COL23A1: variants seen among roughly 807,000 people sequenced by gnomAD.
COL23A1 encodes the protein collagen alpha-1(XXIII) chain.
A neutral mutation model predicts 99.3 loss-of-function variants in COL23A1; 97 were observed. The ratio of observed to expected loss-of-function variants is 0.98; its 90% CI spans 0.83 to 1.16. The LOEUF (loss-of-function observed/expected upper bound fraction) is 1.16, where lower values mean the gene tolerates loss of function less well. Among genes scored for constraint, COL23A1 ranks in the 50% most tolerant of loss-of-function variants. The pLI is 0.00. For synonymous variants in COL23A1, 320 were observed against 308.2 expected, an observed-to-expected ratio of 1.04 and a Z score of -0.40; for missense variants, 762 against 757.4, an observed-to-expected ratio of 1.01 and a Z score of -0.07.
chr5:178,296,484 C>T (rs1321112753), intron 3 of COL23A1, among the ~76,000 whole-genome samples: 1 of 152,214 alleles, frequency 6.6e-6, no homozygotes, highest in Non-Finnish European at 1.5e-5. Flanking sequence ...TTCACGACCC[C>T]CGCGGATCCC....
intron 2 of COL23A1, among the ~76,000 whole-genome samples, chr5:178,545,807 T>C (rs1761548071): frequency 6.6e-6 from 1 of 152,074 alleles, no homozygotes; most frequent in Admixed American, 6.5e-5. Flanking sequence ...GGTCCACAGG[T>C]CGATTCCCAC....
intron 2 of COL23A1, among the ~76,000 whole-genome samples, chr5:178,467,737 T>A (rs1031824239): frequency 1.3e-5 from 2 of 152,346 alleles, no homozygotes; most frequent in African/African-American, 4.8e-5. Context: ...GACTCATTTT[T>A]AAAAGTTATT....
intron 3 of COL23A1, among the ~76,000 whole-genome samples, chr5:178,302,389 G>A (rs887921144): frequency 6.8e-6 from 1 of 147,448 alleles, no homozygotes; most frequent in Non-Finnish European, 1.5e-5. Context: ...CTGTGTGTGC[G>A]CCGGAGCACG....
chr5:178,254,803 G>T, intron 16 of COL23A1, 146 bp downstream of exon 16: 2 of 681,574 alleles, frequency 2.9e-6, no homozygotes, highest in Non-Finnish European at 5.1e-6. Context: ...TTTCCACATT[G>T]GGTGCCTAGT....
At chr5:178,582,734 T>C (rs551466108) in intron 1 of COL23A1, among the ~76,000 whole-genome samples, 1 of 152,268 alleles carries the variant, frequency 6.6e-6, no homozygotes, top group South Asian at 2.1e-4. Context: ...CCAGGCTACA[T>C]GCACCTCACC....
chr5:178,259,276 A>T (rs2127549396), intron 12 of COL23A1, among the ~76,000 whole-genome samples: 1 of 152,210 alleles, frequency 6.6e-6, no homozygotes, highest in South Asian at 2.1e-4. Context: ...AGGCTGGCCC[A>T]GGAGAAGAGG....
chr5:178,461,756 C>T (rs1756133718), intron 2 of COL23A1, among the ~76,000 whole-genome samples: 2 of 152,304 alleles, frequency 1.3e-5, no homozygotes, highest in South Asian at 4.1e-4. Flanking sequence ...TTGGCAAGCA[C>T]ACAACATGTT....
At chr5:178,382,827 G>A (rs1481395872) in intron 2 of COL23A1, among the ~76,000 whole-genome samples, 3 of 152,196 alleles carry the variant, frequency 2.0e-5, no homozygotes, top group Non-Finnish European at 4.4e-5. Flanking sequence ...CCACCGCCTT[G>A]GCAGGAGTCA....
chr5:178,269,502 T>G (rs1222052969), intron 6 of COL23A1, among the ~76,000 whole-genome samples: 1 of 81,018 alleles, frequency 1.2e-5, no homozygotes, highest in African/African-American at 5.5e-5. Context: ...CATCCACCCA[T>G]CCACCCATCC....
chr5:178,272,070 C>A (rs1458325385), intron 5 of COL23A1, among the ~76,000 whole-genome samples: 2 of 152,230 alleles, frequency 1.3e-5, no homozygotes, highest in Non-Finnish European at 2.9e-5. Flanking sequence ...TCACTCTGCA[C>A]CCCTGTCCGT....
intron 2 of COL23A1, among the ~76,000 whole-genome samples, chr5:178,374,632 A>C (rs1193235246): frequency 2.0e-5 from 3 of 152,212 alleles, no homozygotes; most frequent in Admixed American, 6.5e-5. Context: ...AGGTGTTGTC[A>C]GTGTCCAGCT....
At chr5:178,494,475 G>A (rs1006286507) in intron 2 of COL23A1, among the ~76,000 whole-genome samples, 1 of 152,124 alleles carries the variant, frequency 6.6e-6, no homozygotes, top group Non-Finnish European at 1.5e-5. Context: ...TCAGGAGTTC[G>A]AGACCAGCCT....
At position 178,384,431 on chromosome 5, in the gene COL23A1, C is replaced by T. The variant is rs569616199; in HGVS notation, c.362-77512G>A. Among the ~76,000 whole-genome samples, 9 of 152,344 alleles carry T rather than the reference C, an allele frequency of 5.9e-5. No individual in the cohort carries two copies. Among genetic ancestry groups the T allele is most frequent in the East Asian group, 1.9e-4 (1 of 5,174 alleles). On this transcript the variant is annotated intron_variant, in intron 2 of 28. Transcript: ENST00000390654. The surrounding 1 kb of genome is among the most constrained non-coding windows in gnomAD (Gnocchi z 5.5). ...TTCATCCGGGTAGTAAACCAGGCTT[C>T]GGCTTTCCAAGCCAGACCTCTCCTC...
intron 2 of COL23A1, among the ~76,000 whole-genome samples, chr5:178,394,407 T>G (rs1764120294): frequency 6.6e-6 from 1 of 152,144 alleles, no homozygotes; most frequent in South Asian, 2.1e-4. Flanking sequence ...ACCCCAGGAA[T>G]GCAGAGGCAG....
chr5:178,347,358 CG>C (rs1561883361), intron 2 of COL23A1, among the ~76,000 whole-genome samples: 2 of 151,506 alleles, frequency 1.3e-5, no homozygotes, highest in East Asian at 1.9e-4. Flanking sequence ...GGAAATGTCC[CG>C]AACAGGCGAA....
rs544332925 is a variant in COL23A1, at chr5:178,420,154, C to T, written c.362-113235G>A. Among the ~76,000 whole-genome samples, 13 of 152,284 alleles carry T rather than the reference C, an allele frequency of 8.5e-5. No individual in the cohort carries two copies. In the South Asian group the frequency reaches 1.2e-3, roughly 15 times the overall value. On this transcript the variant is annotated intron_variant, in intron 2 of 28. Coordinates refer to ENST00000390654, the MANE Select transcript of COL23A1 (RefSeq NM_173465.4). ...GTTTTCAGCAAGTCTGAGTTTCTAC[C>T]GCAGTCTCGTCACTTATCAGCCACA...
intron 20 of COL23A1, 91 bp downstream of exon 20, chr5:178,248,101 G>T: frequency 2.1e-6 from 2 of 948,528 alleles, no homozygotes; most frequent in Non-Finnish European, 1.6e-6. Context: ...GTTTGCTCAG[G>T]CCAGGTGGCC....
intron 2 of COL23A1, among the ~76,000 whole-genome samples, chr5:178,407,423 G>T (rs974748972): frequency 4.6e-5 from 7 of 152,140 alleles, no homozygotes; most frequent in Admixed American, 4.6e-4. Context: ...AATGTCCAGG[G>T]TTTAATAAAA....
At chr5:178,513,789 G>C (rs999992340) in intron 2 of COL23A1, among the ~76,000 whole-genome samples, 1 of 152,084 alleles carries the variant, frequency 6.6e-6, no homozygotes, top group African/African-American at 2.4e-5. Flanking sequence ...CCATCTTCAC[G>C]GTCAGCACAG....
Sources: allele counts gnomAD v4.1 joint callset (sites outside exome capture counted in the v4.1 genomes callset), GRCh38; gene constraint gnomAD v4.1.1; non-coding constraint Gnocchi (gnomAD v3.1); transcripts MANE v1.5; gene names NCBI Gene and HGNC (gene_info 2026-07-23, HGNC 2026-07-21).